PCBP3: variants seen among roughly 807,000 people sequenced by gnomAD.
PCBP3 encodes the protein poly(rC)-binding protein 3.
Under a neutral mutation model 52.7 loss-of-function variants are expected in PCBP3, and 25 were observed. The ratio of observed to expected loss-of-function variants is 0.47; its 90% CI spans 0.35 to 0.66. The LOEUF (loss-of-function observed/expected upper bound fraction) is 0.66. Among genes scored for constraint, PCBP3 ranks in the 30% least tolerant of loss-of-function variants. The pLI is 0.01. For synonymous variants in PCBP3, 162 were observed against 183.0 expected (o/e 0.89, Z 0.93); for missense variants, 391 against 490.3 (o/e 0.80, Z 1.91).
intron 10 of PCBP3, among the ~76,000 whole-genome samples, chr21:45,909,906 G>A (rs1174164835): frequency 4.2e-5 from 2 of 47,498 alleles, no homozygotes; most frequent in Admixed American, 2.7e-4. Context: ...ATACAGACCC[G>A]GCCCACCCAC....
chr21:45,789,983 C>CA (rs926103978), intron 4 of PCBP3, among the ~76,000 whole-genome samples: 6 of 151,716 alleles, frequency 4.0e-5, no homozygotes, highest in Non-Finnish European at 5.9e-5. Flanking sequence ...ACTAAAAATA[C>CA]AAAAAAAATA....
intron 2 of PCBP3, among the ~76,000 whole-genome samples, chr21:45,709,223 G>A (rs2083664472): frequency 6.6e-6 from 1 of 152,200 alleles, no homozygotes. Flanking sequence ...GGAACATTCG[G>A]CCTCTTAAGC....
At chr21:45,840,544 TG>T (rs1463672601) in intron 4 of PCBP3, among the ~76,000 whole-genome samples, 1 of 152,050 alleles carries the variant, frequency 6.6e-6, no homozygotes, top group Non-Finnish European at 1.5e-5. Context: ...ATAACTTAAG[TG>T]TACAGTATCT....
chr21:45,922,823 A>T (rs560495797), intron 13 of PCBP3, among the ~76,000 whole-genome samples: 1 of 152,340 alleles, frequency 6.6e-6, no homozygotes, highest in Non-Finnish European at 1.5e-5. Flanking sequence ...GGCCAGAGCT[A>T]ATGAGCCAGG....
At chr21:45,884,346 T>C (rs1245506649) in intron 5 of PCBP3, among the ~76,000 whole-genome samples, 2 of 152,194 alleles carry the variant, frequency 1.3e-5, no homozygotes, top group South Asian at 2.1e-4. Flanking sequence ...AGTAGCATTT[T>C]AGAGTATATA....
At chr21:45,920,400 G>A (rs1001434837) in intron 13 of PCBP3, among the ~76,000 whole-genome samples, 1 of 152,154 alleles carries the variant, frequency 6.6e-6, no homozygotes, top group Non-Finnish European at 1.5e-5. Flanking sequence ...TCTTTCTCAT[G>A]TGACTTTCTC....
At chr21:45,664,783 A>G (rs1408974721) in intron 1 of PCBP3, among the ~76,000 whole-genome samples, 1 of 51,982 alleles carries the variant, frequency 1.9e-5, no homozygotes, top group African/African-American at 7.5e-5. Flanking sequence ...CCACCCCACC[A>G]CAGTCCCCAG....
chr21:45,752,777 A>G (rs2087645573), intron 3 of PCBP3: 2 of 152,076 alleles, frequency 1.3e-5, no homozygotes, highest in East Asian at 3.9e-4. Context: ...TCTATTCTAC[A>G]ATTTTGAGTA....
chr21:45,683,409 T>G lies in PCBP3; in HGVS notation c.-200+14457T>G, dbSNP rs140750395. On this transcript the variant is annotated intron_variant, in intron 2 of 17. Transcript: ENST00000681687. ...CTTAAATTAATCTTTACGGAGGACT[T>G]ACTTTGGGTTAGACACAGCAAAGTA... 1.3e-3 allele frequency among the ~76,000 whole-genome samples: 202 copies of G among 152,354 alleles called. 2 individuals carry two copies. The highest frequency in any genetic ancestry group is 4.4e-3 in the African/African-American group (181 of 41,582).
intron 5 of PCBP3, among the ~76,000 whole-genome samples, chr21:45,888,038 G>A (rs1201882518): frequency 6.6e-6 from 1 of 152,192 alleles, no homozygotes; most frequent in African/African-American, 2.4e-5. Context: ...GGGGGCTAAC[G>A]GTTCTCAGGG....
intron 4 of PCBP3, among the ~76,000 whole-genome samples, chr21:45,773,344 ATTC>A (rs987175101): frequency 1.3e-5 from 2 of 152,170 alleles, no homozygotes; most frequent in African/African-American, 4.8e-5. Context: ...GTCGAATTTT[ATTC>A]TTCTGCATGT....
intron 2 of PCBP3, among the ~76,000 whole-genome samples, chr21:45,717,244 T>C (rs540968265): frequency 6.6e-6 from 1 of 152,290 alleles, no homozygotes; most frequent in East Asian, 1.9e-4. Flanking sequence ...GTGGATTTCT[T>C]AGTATTTTCT....
At chr21:45,895,660 C>T (rs2095805215) in intron 5 of PCBP3, among the ~76,000 whole-genome samples, 1 of 152,270 alleles carries the variant, frequency 6.6e-6, no homozygotes, top group Admixed American at 6.5e-5. Flanking sequence ...TTGCCGAGAA[C>T]TGCCAAGGAC....
chr21:45,864,079 T>C (rs1322396787), intron 5 of PCBP3, among the ~76,000 whole-genome samples: 2 of 152,194 alleles, frequency 1.3e-5, no homozygotes. Context: ...AACATAAACG[T>C]GGCTTTACGG....
intron 5 of PCBP3, among the ~76,000 whole-genome samples, chr21:45,892,151 GC>G (rs2148945010): frequency 6.6e-6 from 1 of 152,324 alleles, no homozygotes; most frequent in East Asian, 1.9e-4. Context: ...CAGGACCGCG[GC>G]GTCCTTCCTA....
chr21:45,865,320 C>T (rs1000396272), intron 5 of PCBP3, among the ~76,000 whole-genome samples: 9 of 152,202 alleles, frequency 5.9e-5, no homozygotes, highest in Admixed American at 2.0e-4. Flanking sequence ...ATTACAAAAT[C>T]GTAGCCCACC....
intron 2 of PCBP3, among the ~76,000 whole-genome samples, chr21:45,725,841 T>C (rs1358162743): frequency 1.6e-5 from 2 of 127,302 alleles, no homozygotes; most frequent in Non-Finnish European, 3.2e-5. Flanking sequence ...GAGGCGTGCA[T>C]GGAGCAAAGA....
intron 2 of PCBP3, among the ~76,000 whole-genome samples, chr21:45,699,857 G>A (rs1184268080): frequency 2.6e-5 from 4 of 152,118 alleles, no homozygotes; most frequent in Non-Finnish European, 5.9e-5. Context: ...TGGGAGTTTC[G>A]GGACCTACAA....
chr21:45,746,164 G>A (rs554664725), intron 3 of PCBP3, among the ~76,000 whole-genome samples: 2 of 142,006 alleles, frequency 1.4e-5, no homozygotes, highest in South Asian at 2.3e-4. Flanking sequence ...GTCCATTGAC[G>A]TAGCGCCACA....
Sources: gnomAD v4.1 joint callset for allele counts (sites outside exome capture counted in the v4.1 genomes callset) on GRCh38, gnomAD v4.1.1 for gene constraint, MANE v1.5 for transcripts, NCBI Gene and HGNC (gene_info 2026-07-23, HGNC 2026-07-21) for gene names.